CAMSAP1: variants seen among roughly 807,000 people sequenced by gnomAD.
CAMSAP1 encodes calmodulin regulated spectrin associated protein 1, also known as calmodulin-regulated spectrin-associated protein 1.
In CAMSAP1, 58 loss-of-function variants were observed where a neutral mutation model predicts 143.5. The observed-to-expected ratio is 0.40, with a 90% confidence interval of 0.33 to 0.50. The LOEUF is 0.50. Ranked by LOEUF, CAMSAP1 falls within the 20% of genes least tolerant of loss-of-function variation. The pLI, the probability that CAMSAP1 is intolerant of heterozygous loss-of-function variation, is 0.45. For missense variants in CAMSAP1, 1,969 were observed against 2,115.7 expected (o/e 0.93, Z 1.36); for synonymous variants, 945 against 859.3 (o/e 1.10, Z -1.74).
intron 1 of CAMSAP1, among the ~76,000 whole-genome samples, chr9:135,906,622 C>T (rs1166000105): frequency 6.6e-6 from 1 of 152,248 alleles, no homozygotes; most frequent in Non-Finnish European, 1.5e-5. Context: ...CTGGACGATG[C>T]CCGGCGCGCC....
intron 1 of CAMSAP1, among the ~76,000 whole-genome samples, chr9:135,893,726 C>CA (rs1334631701): frequency 6.6e-6 from 1 of 151,924 alleles, no homozygotes; most frequent in Non-Finnish European, 1.5e-5. Flanking sequence ...CAGCAGGATT[C>CA]AAAAAAAGAC....
chr9:135,836,169 C>T (rs1223439804), intron 7 of CAMSAP1: 7 of 985,276 alleles, frequency 7.1e-6, no homozygotes, highest in African/African-American at 1.7e-5. Flanking sequence ...CATCTACAGA[C>T]GCACATCACC....
intron 1 of CAMSAP1, among the ~76,000 whole-genome samples, chr9:135,895,451 T>G (rs1355482613): frequency 1.3e-5 from 2 of 152,176 alleles, no homozygotes; most frequent in Non-Finnish European, 2.9e-5. Flanking sequence ...GGAAAAGAAC[T>G]GTCAATCAAC....
intron 1 of CAMSAP1, among the ~76,000 whole-genome samples, chr9:135,893,037 G>A (rs10858178): frequency 1.3e-5 from 2 of 151,664 alleles, no homozygotes; most frequent in South Asian, 2.1e-4. Context: ...GGGCAAAGTA[G>A]AACCTGCCTG....
intron 3 of CAMSAP1, among the ~76,000 whole-genome samples, chr9:135,878,124 T>G (rs1029285239): frequency 6.6e-6 from 1 of 152,146 alleles, no homozygotes; most frequent in Non-Finnish European, 1.5e-5. Flanking sequence ...GTCCCGGAAA[T>G]GCACAGCATT....
chr9:135,848,878 C>A (rs1003300524), intron 7 of CAMSAP1, among the ~76,000 whole-genome samples: 1 of 152,238 alleles, frequency 6.6e-6, no homozygotes, highest in African/African-American at 2.4e-5. Flanking sequence ...GGCAGGCAAC[C>A]CACAGGACTG....
At chr9:135,887,890 T>C (rs1181253214) in intron 1 of CAMSAP1, among the ~76,000 whole-genome samples, 1 of 152,130 alleles carries the variant, frequency 6.6e-6, no homozygotes, top group Non-Finnish European at 1.5e-5. Flanking sequence ...TCAGTACCCA[T>C]GAGCAACGCA....
At chr9:135,881,825 C>A in intron 2 of CAMSAP1, 31 bp from the exon 3 acceptor site, 1 of 1,549,438 alleles carries the variant, frequency 6.5e-7, no homozygotes, top group South Asian at 1.2e-5. Flanking sequence ...TATAATCCCT[C>A]AAACCCACCC....
chr9:135,834,392 T>C (rs1564428714), intron 7 of CAMSAP1, among the ~76,000 whole-genome samples: 1 of 152,196 alleles, frequency 6.6e-6, no homozygotes, highest in South Asian at 2.1e-4. Context: ...TGCCCAGATA[T>C]AGAATCAATC....
chr9:135,836,198 C>T (rs1353686339), intron 7 of CAMSAP1: 4 of 985,188 alleles, frequency 4.1e-6, no homozygotes, highest in Non-Finnish European at 3.6e-6. Context: ...TTACCCGTTC[C>T]GCAGCCACAC....
chr9:135,903,182 A>G (rs527806560), intron 1 of CAMSAP1, among the ~76,000 whole-genome samples: 13 of 152,302 alleles, frequency 8.5e-5, no homozygotes, highest in African/African-American at 3.1e-4. Context: ...ATGCGGTAAA[A>G]TAAAGGGAAC....
chr9:135,873,590 G>A (rs1588493104), intron 3 of CAMSAP1, among the ~76,000 whole-genome samples: 1 of 151,980 alleles, frequency 6.6e-6, no homozygotes, highest in South Asian at 2.1e-4. Flanking sequence ...AAACAAACAG[G>A]ACACTGTCAC....
chr9:135,838,465 C>T (rs1276881187), intron 7 of CAMSAP1, among the ~76,000 whole-genome samples: 1 of 147,960 alleles, frequency 6.8e-6, no homozygotes, highest in Non-Finnish European at 1.5e-5. Context: ...TCCACCTGTT[C>T]TACAGACACA....
intron 5 of CAMSAP1, among the ~76,000 whole-genome samples, chr9:135,854,193 T>C (rs1426057918): frequency 6.6e-6 from 1 of 152,232 alleles, no homozygotes; most frequent in Non-Finnish European, 1.5e-5. Flanking sequence ...TGTTGACTCC[T>C]GAGTCCGTTT....
intron 16 of CAMSAP1, among the ~76,000 whole-genome samples, chr9:135,814,790 C>T (rs960823591): frequency 7.2e-5 from 11 of 152,228 alleles, no homozygotes; most frequent in African/African-American, 2.7e-4. Flanking sequence ...CCTCTGCCCA[C>T]ACCTGCATCC....
At position 135,821,526 on chromosome 9, in the gene CAMSAP1, TTGC is replaced by T; in HGVS notation, c.3132_3134del (p.Gln1045del). 1 of 1,614,040 alleles carries T rather than the reference TTGC, an allele frequency of 6.2e-7. No individual in the cohort carries two copies. The highest frequency in any genetic ancestry group is 8.5e-7 in the Non-Finnish European group (1 of 1,179,898). On this transcript the variant is annotated inframe_deletion, in exon 11 of 17. Coordinates refer to ENST00000389532, the MANE Select transcript of CAMSAP1 (RefSeq NM_015447.4). The surrounding 1 kb of genome is among the most constrained non-coding windows in gnomAD (Gnocchi z 4.6). ...TGGGGGACTTCATCAGAAGCTGCTC[TTGC>T]TGCTGAGAGATTTTCAGGATGGCCT...
chr9:135,903,172 A>G (rs1168333196), intron 1 of CAMSAP1, among the ~76,000 whole-genome samples: 3 of 152,202 alleles, frequency 2.0e-5, no homozygotes, highest in Admixed American at 1.3e-4. Flanking sequence ...CCAGCGTGCT[A>G]TGCGGTAAAA....
intron 7 of CAMSAP1, among the ~76,000 whole-genome samples, chr9:135,830,052 A>AGCCTTT (rs1835805649): frequency 6.6e-6 from 1 of 152,116 alleles, no homozygotes; most frequent in African/African-American, 2.4e-5. Context: ...GCCCTAGGTA[A>AGCCTTT]TGACTACTGA....
intron 5 of CAMSAP1, among the ~76,000 whole-genome samples, chr9:135,851,068 C>G (rs936400657): frequency 6.6e-6 from 1 of 152,142 alleles, no homozygotes; most frequent in African/African-American, 2.4e-5. Context: ...GGAGGAAGCA[C>G]CAGTATGGGC....
Sources: gnomAD v4.1 joint callset for allele counts (sites outside exome capture counted in the v4.1 genomes callset) on GRCh38, gnomAD v4.1.1 for gene constraint, Gnocchi (gnomAD v3.1) non-coding constraint, MANE v1.5 for transcripts, NCBI Gene and HGNC (gene_info 2026-07-23, HGNC 2026-07-21) for gene names.